ZUP1: variants seen among roughly 807,000 people sequenced by gnomAD.
The protein encoded by ZUP1 is zinc finger containing ubiquitin peptidase 1.
Under a neutral mutation model 68.1 loss-of-function variants are expected in ZUP1, and 55 were observed. That is an observed-to-expected ratio of 0.81 (90% CI 0.65 to 1.01). The LOEUF is 1.01. Among genes scored for constraint, ZUP1 ranks in the 50% least tolerant of loss-of-function variants. The pLI, the probability that ZUP1 is intolerant of heterozygous loss-of-function variation, is 0.00. For missense variants in ZUP1, 684 were observed against 674.9 expected (o/e 1.01, Z -0.15); for synonymous variants, 223 against 221.5 (o/e 1.01, Z -0.06).
At position 116,651,589 on chromosome 6, in the gene ZUP1, C is replaced by G. The variant is rs776405700; in HGVS notation, c.1299G>C (p.Leu433=). Residue 433 remains leucine, a synonymous_variant, in exon 7 of 10, where the codon CTG becomes CTC. Coordinates refer to ENST00000368576, the MANE Select transcript of ZUP1 (RefSeq NM_145062.3). ...WIGACEVYIL[L]TSLRVKCHIV... is the part of the protein sequence containing the mutation. ...GTACATACTTTACCCTTAGGGAGGT[C>G]AGGAGTATATATACTTCACATGCTC... is the stretch of plus-strand genomic sequence containing the variant. 1 of 1,611,924 alleles carries G rather than the reference C, an allele frequency of 6.2e-7. No homozygotes were observed. Among genetic ancestry groups the G allele is most frequent in the Non-Finnish European group, 8.5e-7 (1 of 1,178,940 alleles).
chr6:116,637,584 C>T (rs1775941932), intron 9 of ZUP1, among the ~76,000 whole-genome samples: 1 of 152,084 alleles, frequency 6.6e-6, no homozygotes, highest in South Asian at 2.1e-4. Flanking sequence ...TATTCTAATC[C>T]CACAAACAAC....
intron 7 of ZUP1, among the ~76,000 whole-genome samples, chr6:116,649,693 T>C (rs148680522): frequency 4.0e-4 from 61 of 152,326 alleles, no homozygotes; most frequent in South Asian, 8.3e-4. Flanking sequence ...AAGATCTCTC[T>C]ATATAACGAT....
At chr6:116,660,893 T>C in intron 2 of ZUP1, 47 bp from the exon 3 acceptor site, 1 of 1,202,598 alleles carries the variant, frequency 8.3e-7, no homozygotes, top group African/African-American at 1.6e-5. Flanking sequence ...TTATTTTAAT[T>C]TTTTTCTTTG....
intron 9 of ZUP1, among the ~76,000 whole-genome samples, chr6:116,637,021 C>G (rs1297878621): frequency 6.8e-6 from 1 of 147,770 alleles, no homozygotes. Flanking sequence ...CTATAAGAAA[C>G]AGATGCTAAA....
intron 9 of ZUP1, among the ~76,000 whole-genome samples, chr6:116,643,690 T>A (rs6917313): frequency 0.36 from 55,407 of 151,924 alleles, 10,753 homozygotes; most frequent in African/African-American, 0.5. Flanking sequence ...AATTAATTCA[T>A]GATGGATTAA....
intron 8 of ZUP1, among the ~76,000 whole-genome samples, chr6:116,646,415 C>G (rs1295624824): frequency 6.6e-6 from 1 of 152,096 alleles, no homozygotes; most frequent in Non-Finnish European, 1.5e-5. Flanking sequence ...CATAATTTAC[C>G]AAGTATCTAT....
At chr6:116,637,262 T>C (rs1026042872) in intron 9 of ZUP1, among the ~76,000 whole-genome samples, 21 of 152,202 alleles carry the variant, frequency 1.4e-4, no homozygotes, top group Admixed American at 8.5e-4. Context: ...TCTCTCTGCC[T>C]CAGCATCCTC....
intron 7 of ZUP1, among the ~76,000 whole-genome samples, chr6:116,648,288 C>T (rs796691425): frequency 2.0e-4 from 31 of 152,234 alleles, no homozygotes; most frequent in African/African-American, 6.7e-4. Context: ...TTTAAAAGGT[C>T]GGGTATAACT....
At chr6:116,642,166 A>G (rs1247131421) in intron 9 of ZUP1, among the ~76,000 whole-genome samples, 2 of 152,066 alleles carry the variant, frequency 1.3e-5, no homozygotes, top group African/African-American at 4.8e-5. Flanking sequence ...TAGACCAATA[A>G]CAGGATCTGA....
intron 9 of ZUP1, among the ~76,000 whole-genome samples, chr6:116,644,820 C>T (rs1447123868): frequency 6.7e-6 from 1 of 149,318 alleles, no homozygotes; most frequent in Non-Finnish European, 1.5e-5. Flanking sequence ...GCACATGTAC[C>T]CTAAAACTTA....
chr6:116,666,798 CTT>C lies in ZUP1; in HGVS notation c.393_394del (p.Ser132Ter), dbSNP rs2114302941. ...GGTCAGGCTGGACTGTTTTTCCCTA[CTT>C]TTCAGGAATTTTCTAGATTCAGTTA... On this transcript the variant is annotated frameshift_variant, in exon 2 of 10. Transcript: ENST00000368576. LOFTEE classifies it high-confidence loss of function. 6.2e-7 allele frequency: 1 copy of C among 1,613,474 alleles called. No homozygotes were observed. Among genetic ancestry groups the C allele is most frequent in the East Asian group, 2.2e-5 (1 of 44,808 alleles).
Position 116,658,766 on chromosome 6 carries a change from C to T in ZUP1, c.792+37G>A, listed in dbSNP as rs750346209. On this transcript the variant is annotated intron_variant, in intron 4 of 9. Transcript: ENST00000368576. Reference sequence around the variant, plus strand: ...AAGCATATTTGAAAAATAACTTTACCAAATCAAAATATTATAATTGTTATT... The same window carrying T: ...AAGCATATTTGAAAAATAACTTTACTAAATCAAAATATTATAATTGTTATT... The T allele has an allele frequency of 1.1e-5, 17 of 1,509,288 alleles. No homozygotes were observed. In the African/African-American group the frequency reaches 1.1e-4, roughly 10 times the overall value. 93.5% of individuals were successfully genotyped at this position (1,509,288 alleles called of 1,614,324 possible).
At chr6:116,644,475 G>A (rs1776223679) in intron 9 of ZUP1, among the ~76,000 whole-genome samples, 2 of 152,182 alleles carry the variant, frequency 1.3e-5, no homozygotes, top group East Asian at 3.8e-4. Context: ...TTAAGAAAAT[G>A]TGGCACATAT....
chr6:116,650,495 A>G (rs1020864809), intron 7 of ZUP1, among the ~76,000 whole-genome samples: 3 of 151,976 alleles, frequency 2.0e-5, no homozygotes, highest in African/African-American at 7.3e-5. Flanking sequence ...AAACAGAGAC[A>G]TTATAATTAT....
At chr6:116,643,593 T>A (rs1267289355) in intron 9 of ZUP1, among the ~76,000 whole-genome samples, 7 of 152,176 alleles carry the variant, frequency 4.6e-5, no homozygotes, top group Non-Finnish European at 8.8e-5. Flanking sequence ...GGGGAAAGGA[T>A]TTCCTATTTA....
Position 116,652,079 on chromosome 6 carries a change from C to A in ZUP1, c.1075G>T (p.Gly359Cys). 6.2e-7 allele frequency: 1 copy of A among 1,613,850 alleles called. No individual in the cohort carries two copies. Among genetic ancestry groups the A allele is most frequent in the Non-Finnish European group, 8.5e-7 (1 of 1,179,872 alleles). The change falls in exon 6 of 10, where the codon GGT becomes TGT. Residue 359 changes from glycine (G) to cysteine (C), a missense_variant. By Grantham distance (159) the Gly-to-Cys change is radical (BLOSUM62 -3). Transcript: ENST00000368576. ...ATTTGGAAATTTCTGTAACCACAAC[C>A]CCAACCTTTGTCGCCTAAAGATGAA... The part of the protein sequence containing the change: ...FHSSLGDKGW[G>C]CGYRNFQMLL...
chr6:116,659,657 A>G (rs531000667), intron 3 of ZUP1, among the ~76,000 whole-genome samples: 3 of 152,272 alleles, frequency 2.0e-5, no homozygotes, highest in Admixed American at 2.0e-4. Flanking sequence ...ATACACATTT[A>G]CAAAGTGCAG....
At chr6:116,657,086 A>G (rs1465699816) in intron 4 of ZUP1, among the ~76,000 whole-genome samples, 1 of 152,186 alleles carries the variant, frequency 6.6e-6, no homozygotes, top group African/African-American at 2.4e-5. Context: ...AGGGCAAGAG[A>G]CTTGCTTTTC....
At chr6:116,659,044 G>T in intron 3 of ZUP1, 120 bp from the exon 4 acceptor site, 1 of 894,562 alleles carries the variant, frequency 1.1e-6, no homozygotes, top group Non-Finnish European at 1.6e-6. Context: ...TCATGACTGT[G>T]ATGATATGGA....
Sources: gnomAD v4.1 joint callset for allele counts (sites outside exome capture counted in the v4.1 genomes callset) on GRCh38, gnomAD v4.1.1 for gene constraint, MANE v1.5 for transcripts, NCBI Gene and HGNC (gene_info 2026-07-23, HGNC 2026-07-21) for gene names.